Variants in PPP3R1 observed in about 807,000 individuals in gnomAD.
PPP3R1 encodes protein phosphatase 3 regulatory subunit B, alpha.
Under a neutral mutation model 22.6 loss-of-function variants are expected in PPP3R1, and 5 were observed. The ratio of observed to expected loss-of-function variants is 0.22; its 90% CI spans 0.12 to 0.46. PPP3R1 has a LOEUF of 0.46. Ranked by LOEUF, PPP3R1 falls within the 20% of genes least tolerant of loss-of-function variation. The probability of loss-of-function intolerance (pLI) is 0.99; values close to 1 mark genes in which losing one functional copy is unlikely to be tolerated. For missense variants in PPP3R1, 61 were observed against 203.2 expected, an observed-to-expected ratio of 0.30 and a Z score of 4.25; for synonymous variants, 56 against 65.2, an observed-to-expected ratio of 0.86 and a Z score of 0.68.
chr2:68,252,084 GT>G, intron 1 of PPP3R1, 40 bp downstream of exon 1: 1 of 1,405,752 alleles, frequency 7.1e-7, no homozygotes, highest in Non-Finnish European at 9.5e-7. Flanking sequence ...GACGGCGGCA[GT>G]AGGGGGAGGG....
chr2:68,198,466 T>C (rs1335494672), intron 2 of PPP3R1, among the ~76,000 whole-genome samples: 1 of 149,872 alleles, frequency 6.7e-6, no homozygotes, highest in Non-Finnish European at 1.5e-5. Context: ...TATATACGTA[T>C]ATATGCGTAT....
intron 1 of PPP3R1, among the ~76,000 whole-genome samples, chr2:68,250,096 G>C (rs546135568): frequency 1.1e-4 from 17 of 152,042 alleles, no homozygotes; most frequent in African/African-American, 4.1e-4. Context: ...CCTAAAGTTG[G>C]AAAGCCACTG....
intron 1 of PPP3R1, among the ~76,000 whole-genome samples, chr2:68,218,882 C>A (rs1420482807): frequency 3.9e-5 from 6 of 152,118 alleles, no homozygotes; most frequent in African/African-American, 1.4e-4. Flanking sequence ...ATGATACCAT[C>A]TATCTCACCT....
chr2:68,232,811 T>C (rs567860922), intron 1 of PPP3R1, among the ~76,000 whole-genome samples: 1 of 152,296 alleles, frequency 6.6e-6, no homozygotes, highest in East Asian at 1.9e-4. Context: ...TTTGCCATAT[T>C]GGCCAGGCTG....
intron 1 of PPP3R1, among the ~76,000 whole-genome samples, chr2:68,251,377 A>G (rs997687844): frequency 6.6e-6 from 1 of 152,190 alleles, no homozygotes; most frequent in African/African-American, 2.4e-5. Flanking sequence ...ACCAAAGAAA[A>G]TGAAAAAACC....
intron 1 of PPP3R1, among the ~76,000 whole-genome samples, chr2:68,240,319 T>G (rs1670096561): frequency 6.6e-6 from 1 of 152,180 alleles, no homozygotes; most frequent in African/African-American, 2.4e-5. Flanking sequence ...CTAGACCACG[T>G]TGCTTGTTGG....
At chr2:68,248,777 T>C (rs1670283172) in intron 1 of PPP3R1, among the ~76,000 whole-genome samples, 1 of 152,196 alleles carries the variant, frequency 6.6e-6, no homozygotes, top group Non-Finnish European at 1.5e-5. Context: ...ACCACCTCCT[T>C]CATAAAACTT....
At chr2:68,226,675 G>A (rs1163995733) in intron 1 of PPP3R1, among the ~76,000 whole-genome samples, 2 of 152,062 alleles carry the variant, frequency 1.3e-5, no homozygotes, top group African/African-American at 4.8e-5. Flanking sequence ...GGCACCAACT[G>A]TCTTACTATC....
chr2:68,215,352 T>C (rs892454717), intron 2 of PPP3R1, among the ~76,000 whole-genome samples: 3 of 152,066 alleles, frequency 2.0e-5, no homozygotes, highest in Non-Finnish European at 4.4e-5. Flanking sequence ...ACCCAAAACA[T>C]TTCTGGTCTC....
intron 1 of PPP3R1, among the ~76,000 whole-genome samples, chr2:68,246,314 C>T (rs964744730): frequency 8.6e-5 from 13 of 151,936 alleles, no homozygotes; most frequent in Admixed American, 1.3e-4. Flanking sequence ...ACCTCATGAT[C>T]CGCCCGCCTC....
chr2:68,221,964 CA>C (rs945426633), intron 1 of PPP3R1, among the ~76,000 whole-genome samples: 1 of 148,120 alleles, frequency 6.8e-6, no homozygotes. Context: ...ATGTTCACTA[CA>C]AAAAAAAAGT....
rs941807764 is a variant in PPP3R1 at position 68,179,698 on chromosome 2, C to T, written c.*1265G>A. The T allele has an allele frequency of 2.0e-5, 3 of 151,988 alleles. No homozygotes were observed. The highest frequency in any genetic ancestry group is 6.6e-5 in the Admixed American group (1 of 15,258). 9.4% of individuals were successfully genotyped at this position (151,988 alleles called of 1,614,324 possible). On this transcript the variant is annotated 3_prime_UTR_variant, in exon 6 of 6. Coordinates refer to ENST00000234310, the MANE Select transcript of PPP3R1 (RefSeq NM_000945.4). ...CATGATACACTACTTTTATATCACA[C>T]AAATTTATTAAGTTATCCATTACCA...
intron 1 of PPP3R1, among the ~76,000 whole-genome samples, chr2:68,246,524 T>C (rs1313683630): frequency 6.6e-6 from 1 of 152,212 alleles, no homozygotes; most frequent in Non-Finnish European, 1.5e-5. Context: ...AACAAACTAC[T>C]ATTGACCAAG....
chr2:68,212,391 C>T (rs1045943280), intron 2 of PPP3R1, among the ~76,000 whole-genome samples: 14 of 152,072 alleles, frequency 9.2e-5, no homozygotes, highest in Non-Finnish European at 1.9e-4. Flanking sequence ...CTTTCCAGAA[C>T]GTCTTTAATG....
At position 68,221,493 on chromosome 2, in the gene PPP3R1, G is replaced by GTAAA. The variant is rs143618420; in HGVS notation, c.4-4366_4-4363dup. Reference sequence around the variant, plus strand: ...AGCCTGGGCAACCAAGCAAGACTTTGTAAATAAATAAATAAACAAATGTCA... The same window carrying GTAAA: ...AGCCTGGGCAACCAAGCAAGACTTTGTAAATAAATAAATAAATAAACAAATGTCA... On this transcript the variant is annotated intron_variant, in intron 1 of 5. Transcript: ENST00000234310. 4.5e-3 allele frequency among the ~76,000 whole-genome samples: 678 copies of GTAAA among 152,198 alleles called. 3 individuals carry two copies. Among genetic ancestry groups the GTAAA allele is most frequent in the Non-Finnish European group, 6.8e-3 (463 of 68,016 alleles).
intron 2 of PPP3R1, among the ~76,000 whole-genome samples, chr2:68,199,722 C>T (rs750521225): frequency 4.1e-4 from 62 of 152,224 alleles, no homozygotes; most frequent in Non-Finnish European, 8.1e-4. Context: ...ATGTTTTTCT[C>T]TTTTGTCAAA....
chr2:68,252,176 T>C lies in PPP3R1; in HGVS notation c.-49A>G. The C allele has an allele frequency of 7.3e-7, 1 of 1,373,332 alleles. No homozygotes were observed. The highest frequency in any genetic ancestry group is 9.6e-7 in the Non-Finnish European group (1 of 1,040,188). The allele number at this position is 1,373,332 out of a possible 1,614,324, so 85.1% of individuals were successfully genotyped here. A position where few individuals can be genotyped will look rare whatever the true frequency, so the allele number is the denominator to read the frequency against. Reference sequence around the variant, plus strand: ...GCTGGCTCGCTGGCTCGGAGAAGTGTTGCGCTCAGGCTGGCTCGCAGGAAA... The same window carrying C: ...GCTGGCTCGCTGGCTCGGAGAAGTGCTGCGCTCAGGCTGGCTCGCAGGAAA... On this transcript the variant is annotated 5_prime_UTR_variant, in exon 1 of 6. Transcript: ENST00000234310.
intron 1 of PPP3R1, among the ~76,000 whole-genome samples, chr2:68,249,738 AAAT>A (rs1237641042): frequency 3.3e-5 from 5 of 152,132 alleles, no homozygotes; most frequent in African/African-American, 9.7e-5. Flanking sequence ...GGAAAAAAAA[AAAT>A]AAACTACGTT....
At chr2:68,248,463 C>A (rs4671887) in intron 1 of PPP3R1, among the ~76,000 whole-genome samples, 113,286 of 152,184 alleles carry the variant, frequency 0.74, 43,218 homozygotes, top group African/African-American at 0.93. Flanking sequence ...ACGCTTGACT[C>A]AACTTTACAC....
Sources: gnomAD v4.1 joint callset for allele counts (sites outside exome capture counted in the v4.1 genomes callset) on GRCh38, gnomAD v4.1.1 for gene constraint, MANE v1.5 for transcripts, NCBI Gene and HGNC (gene_info 2026-07-23, HGNC 2026-07-21) for gene names.